The following FBXL13 variants were observed in gnomAD, a reference collection of about 807,000 sequenced individuals.
FBXL13 encodes the protein F-box and leucine-rich repeat protein 13.
In FBXL13, 67 loss-of-function variants were observed where a neutral mutation model predicts 83.6. The ratio of observed to expected loss-of-function variants is 0.80; its 90% confidence interval spans 0.66 to 0.98. The LOEUF is 0.98. Ranked by LOEUF, FBXL13 falls within the 50% of genes least tolerant of loss-of-function variation. FBXL13 has a pLI of 0.00. For missense variants in FBXL13, 822 were observed against 866.5 expected, an observed-to-expected ratio of 0.95 and a Z score of 0.64; for synonymous variants, 272 against 299.5, an observed-to-expected ratio of 0.91 and a Z score of 0.95.
At chr7:102,963,581 A>G in exon 8 of FBXL13, 1 of 1,613,142 alleles carries the variant, frequency 6.2e-7, no homozygotes. Context: ...CGAAAATTCA[A>G]ACGCAGCACA....
chr7:102,944,537 ATG>A (rs1227201908), intron 8 of FBXL13: 1 of 1,613,666 alleles, frequency 6.2e-7, no homozygotes, highest in Non-Finnish European at 8.5e-7. Context: ...ACAGAAGATG[ATG>A]AATGGGAAAA....
chr7:103,065,216 A>G (rs963436935), intron 1 of FBXL13, among the ~76,000 whole-genome samples: 10 of 152,202 alleles, frequency 6.6e-5, no homozygotes, highest in Middle Eastern at 3.2e-3. Flanking sequence ...TAGATTTTTA[A>G]ATTTCAAACA....
chr7:102,926,948 TAG>T (rs1818254068), intron 9 of FBXL13, among the ~76,000 whole-genome samples: 5 of 152,132 alleles, frequency 3.3e-5, no homozygotes, highest in South Asian at 2.1e-4. Flanking sequence ...TAAAATAAAA[TAG>T]AGGCTACATA....
At chr7:102,964,065 C>T (rs1259888411) in intron 7 of FBXL13, among the ~76,000 whole-genome samples, 6 of 152,174 alleles carry the variant, frequency 3.9e-5, no homozygotes, top group Admixed American at 3.9e-4. Context: ...AATCCCAGCA[C>T]CTTGGGAGGC....
intron 9 of FBXL13, among the ~76,000 whole-genome samples, chr7:102,931,602 T>G (rs1292142445): frequency 6.6e-6 from 1 of 152,230 alleles, no homozygotes; most frequent in Non-Finnish European, 1.5e-5. Context: ...AATTTTTTTC[T>G]GTCTCATACA....
At chr7:103,011,714 C>G (rs554020972) in intron 6 of FBXL13, among the ~76,000 whole-genome samples, 4 of 150,722 alleles carry the variant, frequency 2.7e-5, no homozygotes, top group African/African-American at 9.7e-5. Flanking sequence ...TAAGTATTAA[C>G]AGCAGAATCA....
chr7:102,910,726 C>T (rs1814516347), intron 11 of FBXL13, among the ~76,000 whole-genome samples: 1 of 152,290 alleles, frequency 6.6e-6, no homozygotes, highest in South Asian at 2.1e-4. Context: ...ACACTCCTAA[C>T]AAAATACAGG....
exon 4 of FBXL13, chr7:103,028,644 T>C: frequency 1.9e-6 from 3 of 1,599,020 alleles, no homozygotes; most frequent in Admixed American, 3.5e-5. Flanking sequence ...GTGCCAGTGA[T>C]GAAATACAGA....
At chr7:102,871,202 C>T (rs911232468) in intron 16 of FBXL13, among the ~76,000 whole-genome samples, 1 of 152,054 alleles carries the variant, frequency 6.6e-6, no homozygotes, top group Non-Finnish European at 1.5e-5. Flanking sequence ...GAGAATGACT[C>T]CCCCATCTGC....
At chr7:103,042,714 T>C (rs951093732) in intron 2 of FBXL13, among the ~76,000 whole-genome samples, 2 of 152,096 alleles carry the variant, frequency 1.3e-5, no homozygotes, top group African/African-American at 2.4e-5. Flanking sequence ...AAACAAGCAA[T>C]GGGGAAAGAG....
At chr7:103,059,502 A>C (rs1023005381) in intron 1 of FBXL13, among the ~76,000 whole-genome samples, 2 of 152,206 alleles carry the variant, frequency 1.3e-5, no homozygotes, top group East Asian at 3.8e-4. Flanking sequence ...ACATTCCCAT[A>C]AGATTAACGT....
intron 1 of FBXL13, among the ~76,000 whole-genome samples, chr7:103,062,124 A>G (rs1156627211): frequency 6.6e-6 from 1 of 151,312 alleles, no homozygotes; most frequent in Non-Finnish European, 1.5e-5. Flanking sequence ...AACTCTTTTC[A>G]TCTTCCCTAA....
intron 16 of FBXL13, among the ~76,000 whole-genome samples, chr7:102,867,266 G>A (rs1423810127): frequency 1.3e-5 from 2 of 152,110 alleles, no homozygotes; most frequent in Non-Finnish European, 2.9e-5. Context: ...GCTGAGGCAG[G>A]AGGATCACTT....
chr7:102,987,295 T>C (rs994524530), intron 6 of FBXL13, among the ~76,000 whole-genome samples: 2 of 152,174 alleles, frequency 1.3e-5, no homozygotes, highest in Non-Finnish European at 1.5e-5. Flanking sequence ...CCTAAAGTTA[T>C]TGAAATTTAA....
At chr7:102,974,363 CT>C (rs1190317105) in intron 6 of FBXL13, among the ~76,000 whole-genome samples, 1 of 152,074 alleles carries the variant, frequency 6.6e-6, no homozygotes, top group Non-Finnish European at 1.5e-5. Flanking sequence ...GCACTCCAGC[CT>C]GGGCGACAGA....
chr7:103,034,465 C>T (rs976627905), intron 2 of FBXL13, among the ~76,000 whole-genome samples: 2 of 152,196 alleles, frequency 1.3e-5, no homozygotes, highest in Admixed American at 6.5e-5. Flanking sequence ...CCTCACTGCC[C>T]GGGGCCAGTG....
chr7:103,061,835 G>A (rs1463047797), intron 1 of FBXL13, among the ~76,000 whole-genome samples: 2 of 151,506 alleles, frequency 1.3e-5, no homozygotes, highest in Non-Finnish European at 2.9e-5. Context: ...CTACTCAGGA[G>A]GCTGAGGCAG....
intron 16 of FBXL13, among the ~76,000 whole-genome samples, chr7:102,858,741 G>A (rs1310590414): frequency 6.6e-6 from 1 of 152,112 alleles, no homozygotes; most frequent in Non-Finnish European, 1.5e-5. Context: ...AGACCCAAAA[G>A]GCCACATATT....
At chr7:103,047,096 C>T (rs1796354447) in intron 2 of FBXL13, 1 of 152,114 alleles carries the variant, frequency 6.6e-6, no homozygotes, top group South Asian at 2.1e-4. Context: ...GAATGAACTC[C>T]CTTTATAAAT....
Sources: allele counts gnomAD v4.1 joint callset (sites outside exome capture counted in the v4.1 genomes callset), GRCh38; gene constraint gnomAD v4.1.1; transcripts MANE v1.5; gene names NCBI Gene and HGNC (gene_info 2026-07-23, HGNC 2026-07-21).